Variants in ATE1 observed in about 807,000 individuals in gnomAD.
ATE1 encodes the protein arginyltransferase 1.
ATE1 carries 36 observed loss-of-function variants against 70.5 expected under a neutral mutation model. The observed-to-expected ratio is 0.51, with a 90% CI of 0.39 to 0.67. ATE1 has a LOEUF of 0.67. ATE1 is among the 30% of genes least tolerant of loss of function. The probability of loss-of-function intolerance (pLI) is 0.00; values close to 1 mark genes in which losing one functional copy is unlikely to be tolerated. For synonymous variants in ATE1, 232 were observed against 219.3 expected, an observed-to-expected ratio of 1.06 and a Z score of -0.51; for missense variants, 593 against 629.5, an observed-to-expected ratio of 0.94 and a Z score of 0.62.
intron 10 of ATE1, among the ~76,000 whole-genome samples, chr10:121,800,311 T>TC (rs1564848233): frequency 6.6e-6 from 1 of 152,232 alleles, no homozygotes; most frequent in Admixed American, 6.5e-5. Flanking sequence ...AAGTTAGCAT[T>TC]CTTGGCTTTT....
At chr10:121,861,098 T>C (rs1949450950) in intron 8 of ATE1, among the ~76,000 whole-genome samples, 1 of 152,176 alleles carries the variant, frequency 6.6e-6, no homozygotes. Context: ...TAATGGGCAA[T>C]GAAAATTGTC....
intron 11 of ATE1, among the ~76,000 whole-genome samples, chr10:121,764,160 C>A (rs1945176294): frequency 6.6e-6 from 1 of 150,838 alleles, no homozygotes; most frequent in South Asian, 2.1e-4. Context: ...CGACGGAGGG[C>A]AATTGAGCTT....
At chr10:121,864,071 A>AAGT (rs1369968273) in intron 8 of ATE1, among the ~76,000 whole-genome samples, 1 of 152,218 alleles carries the variant, frequency 6.6e-6, no homozygotes, top group Admixed American at 6.5e-5. Flanking sequence ...TATAGTCACT[A>AAGT]GCCACATGTG....
chr10:121,761,458 T>C (rs954184770), intron 11 of ATE1, among the ~76,000 whole-genome samples: 1 of 75,040 alleles, frequency 1.3e-5, no homozygotes, highest in Non-Finnish European at 3.2e-5. Flanking sequence ...TTAAGCTATG[T>C]ATGATAGTTT....
chr10:121,804,933 T>A (rs1317490574), intron 10 of ATE1, among the ~76,000 whole-genome samples: 2 of 152,102 alleles, frequency 1.3e-5, no homozygotes, highest in Non-Finnish European at 2.9e-5. Flanking sequence ...AGACTATTTA[T>A]TAAGGGAGTT....
At position 121,846,433 on chromosome 10, in the gene ATE1, C is replaced by A. The variant is rs558044417; in HGVS notation, c.976-5170G>T. ...AGCATAACTCCCTACTACTTAAGTG[C>A]AGGCTGCACACAACTCCCTTCCAAA... On this transcript the variant is annotated intron_variant, in intron 8 of 11. Coordinates refer to ENST00000224652, the MANE Select transcript of ATE1 (RefSeq NM_001001976.3). 1.2e-4 allele frequency among the ~76,000 whole-genome samples: 19 copies of A among 152,232 alleles called. No homozygotes were observed. The South Asian group carries it at 2.7e-3, about 22-fold the overall frequency.
intron 11 of ATE1, among the ~76,000 whole-genome samples, chr10:121,789,488 GAGGTTTCAC>G (rs1946348481): frequency 1.3e-5 from 2 of 151,928 alleles, no homozygotes; most frequent in East Asian, 3.9e-4. Context: ...TAGTAGAGAG[GAGGTTTCAC>G]CATGTTGGCC....
intron 2 of ATE1, among the ~76,000 whole-genome samples, chr10:121,922,663 A>G (rs1951928370): frequency 6.6e-6 from 1 of 152,136 alleles, no homozygotes; most frequent in African/African-American, 2.4e-5. Context: ...TCTCACCAGC[A>G]TCTGCCACCC....
intron 10 of ATE1, among the ~76,000 whole-genome samples, chr10:121,794,903 A>C (rs116208905): frequency 0.017 from 2,523 of 152,254 alleles, 33 homozygotes; most frequent in African/African-American, 0.038. Flanking sequence ...CAGATTCATC[A>C]ACAGCCACCT....
chr10:121,753,198 T>G (rs1590211589), intron 11 of ATE1, among the ~76,000 whole-genome samples: 1 of 152,220 alleles, frequency 6.6e-6, no homozygotes, highest in African/African-American at 2.4e-5. Context: ...CTCATTTTAT[T>G]TGATAGTTCT....
intron 10 of ATE1, among the ~76,000 whole-genome samples, chr10:121,808,213 A>T (rs1220719309): frequency 3.3e-5 from 5 of 152,260 alleles, no homozygotes; most frequent in African/African-American, 1.2e-4. Flanking sequence ...TATATAAAAC[A>T]GCCATGTTTT....
At chr10:121,818,845 G>A (rs1012238904) in intron 10 of ATE1, among the ~76,000 whole-genome samples, 6 of 152,156 alleles carry the variant, frequency 3.9e-5, no homozygotes, top group Non-Finnish European at 7.3e-5. Context: ...CACAAAACTT[G>A]CCTCAAATCA....
chr10:121,775,489 A>C lies in ATE1; in HGVS notation c.1378+14680T>G, dbSNP rs1002021023. ...ACTTAAAGTTAAAAAACAACAACAA[A>C]AAAAGAACACAAAGATCTGTGCTAC... On this transcript the variant is annotated intron_variant, in intron 11 of 11. Coordinates refer to ENST00000224652, the MANE Select transcript of ATE1 (RefSeq NM_001001976.3). Among the ~76,000 whole-genome samples, 6 of 152,166 alleles carry C rather than the reference A, an allele frequency of 3.9e-5. 1 individual carries two copies. The highest frequency in any genetic ancestry group is 7.2e-5 in the African/African-American group (3 of 41,428).
At chr10:121,878,347 C>CT (rs1950121784) in intron 7 of ATE1, among the ~76,000 whole-genome samples, 2 of 152,082 alleles carry the variant, frequency 1.3e-5, no homozygotes, top group African/African-American at 2.4e-5. Flanking sequence ...AATCCCAGCA[C>CT]TTTGGGAGGC....
At chr10:121,839,909 T>G (rs1948566238) in intron 9 of ATE1, among the ~76,000 whole-genome samples, 1 of 152,188 alleles carries the variant, frequency 6.6e-6, no homozygotes, top group Non-Finnish European at 1.5e-5. Flanking sequence ...AAAAATAATC[T>G]GGCAGTACAT....
At chr10:121,886,291 A>AT (rs1439780457) in intron 7 of ATE1, among the ~76,000 whole-genome samples, 14 of 122,292 alleles carry the variant, frequency 1.1e-4, no homozygotes, top group Admixed American at 7.3e-4. Flanking sequence ...TACATTGATG[A>AT]TTTAAAAAAA....
At chr10:121,784,831 C>G (rs1464140840) in intron 11 of ATE1, among the ~76,000 whole-genome samples, 4 of 151,894 alleles carry the variant, frequency 2.6e-5, no homozygotes, top group African/African-American at 4.8e-5. Flanking sequence ...TGCACTCCAC[C>G]CTGGGTGACA....
chr10:121,829,641 G>A lies in ATE1; in HGVS notation c.1257+7077C>T, dbSNP rs1409914297. Among the ~76,000 whole-genome samples, 6 of 147,932 alleles carry A rather than the reference G, an allele frequency of 4.1e-5. No individual in the cohort carries two copies. In the East Asian group the frequency reaches 8.1e-4, roughly 20 times the overall value. ...GAGAATTGCTTAAACCTAGAGGGGC[G>A]GAGGTTGCAGTGAGCCAAGATCATG... is the stretch of plus-strand genomic sequence containing the variant. On this transcript the variant is annotated intron_variant, in intron 10 of 11. Coordinates refer to ENST00000224652, the MANE Select transcript of ATE1 (RefSeq NM_001001976.3).
intron 10 of ATE1, among the ~76,000 whole-genome samples, chr10:121,801,119 G>T (rs1399459078): frequency 6.6e-6 from 1 of 152,206 alleles, no homozygotes; most frequent in African/African-American, 2.4e-5. Flanking sequence ...GAATCCATTT[G>T]TGTTCCCCAA....
Sources: gnomAD v4.1 joint callset for allele counts (sites outside exome capture counted in the v4.1 genomes callset) on GRCh38, gnomAD v4.1.1 for gene constraint, MANE v1.5 for transcripts, NCBI Gene and HGNC (gene_info 2026-07-23, HGNC 2026-07-21) for gene names.